Variants in PATJ observed in about 807,000 individuals in gnomAD.
PATJ encodes the protein inaD-like protein.
Under a neutral mutation model 224.9 loss-of-function variants are expected in PATJ, and 190 were observed. The ratio of observed to expected loss-of-function variants is 0.84; its 90% CI spans 0.75 to 0.95. The LOEUF (loss-of-function observed/expected upper bound fraction) is 0.95. Ranked by LOEUF, PATJ falls within the 40% of genes least tolerant of loss-of-function variation. The probability of loss-of-function intolerance (pLI) is 0.00; values close to 1 mark genes in which losing one functional copy is unlikely to be tolerated. For synonymous variants in PATJ, 769 were observed against 820.3 expected, an observed-to-expected ratio of 0.94 and a Z score of 1.07; for missense variants, 2,121 against 2,270.3, an observed-to-expected ratio of 0.93 and a Z score of 1.34.
chr1:61,955,737 GT>G (rs1281490137), intron 27 of PATJ, among the ~76,000 whole-genome samples: 2 of 152,278 alleles, frequency 1.3e-5, no homozygotes, highest in East Asian at 1.9e-4. Context: ...AATGTTATGA[GT>G]TTTTTGAAGT....
chr1:61,816,215 T>A (rs952509665), intron 14 of PATJ, among the ~76,000 whole-genome samples: 11 of 152,322 alleles, frequency 7.2e-5, no homozygotes, highest in Non-Finnish European at 1.3e-4. Context: ...CCAAGAGTTA[T>A]GGTGGATGTT....
intron 28 of PATJ, among the ~76,000 whole-genome samples, chr1:62,012,787 AT>A (rs538625930): frequency 0.011 from 1,722 of 150,158 alleles, 16 homozygotes; most frequent in Middle Eastern, 0.041. Context: ...CAAATGTGTT[AT>A]TTTTTTTTTC....
At chr1:62,139,768 CTTT>C (rs528616392) in intron 41 of PATJ, among the ~76,000 whole-genome samples, 1 of 140,032 alleles carries the variant, frequency 7.1e-6, no homozygotes, top group East Asian at 2.1e-4. Flanking sequence ...TTTTTTTTTT[CTTT>C]TTTTTTGAGA....
At chr1:62,035,665 G>C (rs1467842759) in intron 29 of PATJ, among the ~76,000 whole-genome samples, 2 of 142,136 alleles carry the variant, frequency 1.4e-5, no homozygotes, top group Non-Finnish European at 3.0e-5. Context: ...GCCAGGCACT[G>C]TGTTACCCCT....
intron 20 of PATJ, among the ~76,000 whole-genome samples, chr1:61,869,004 G>A (rs1276629777): frequency 6.6e-6 from 1 of 152,148 alleles, no homozygotes; most frequent in African/African-American, 2.4e-5. Context: ...CGTAACATGG[G>A]GAAAGGGAGG....
intron 30 of PATJ, among the ~76,000 whole-genome samples, chr1:62,043,662 A>G (rs1159317680): frequency 6.6e-6 from 1 of 152,086 alleles, no homozygotes; most frequent in East Asian, 1.9e-4. Flanking sequence ...TAAAAACTAA[A>G]TTGATAAAAA....
chr1:62,019,191 G>A (rs1646938945), intron 29 of PATJ, among the ~76,000 whole-genome samples: 1 of 150,632 alleles, frequency 6.6e-6, no homozygotes, highest in African/African-American at 2.5e-5. Flanking sequence ...GCTGCAGTGA[G>A]CTGAGATCGC....
intron 21 of PATJ, among the ~76,000 whole-genome samples, chr1:61,883,619 C>T (rs1408919679): frequency 6.6e-6 from 1 of 151,628 alleles, no homozygotes; most frequent in African/African-American, 2.4e-5. Context: ...TTTTTGCATG[C>T]AACACAACAC....
intron 33 of PATJ, among the ~76,000 whole-genome samples, chr1:62,088,442 C>T (rs1055710303): frequency 2.0e-5 from 3 of 152,156 alleles, no homozygotes; most frequent in African/African-American, 4.8e-5. Flanking sequence ...CTCTAAGCCA[C>T]TCTTCCCAAA....
intron 37 of PATJ, among the ~76,000 whole-genome samples, chr1:62,118,573 T>C (rs1278289394): frequency 2.0e-5 from 3 of 152,204 alleles, no homozygotes; most frequent in Non-Finnish European, 4.4e-5. Flanking sequence ...GGTAAGGTAG[T>C]GGATAGAAAT....
intron 20 of PATJ, among the ~76,000 whole-genome samples, chr1:61,869,439 A>G (rs925209789): frequency 6.6e-6 from 1 of 152,036 alleles, no homozygotes; most frequent in Admixed American, 6.6e-5. Context: ...GCTTATTGCC[A>G]TTCCTCAAGA....
At chr1:61,870,130 G>A (rs1666113031) in intron 20 of PATJ, among the ~76,000 whole-genome samples, 2 of 152,182 alleles carry the variant, frequency 1.3e-5, no homozygotes, top group African/African-American at 4.8e-5. Context: ...GCGCTTTCTG[G>A]TATCCAGGAA....
At chr1:62,080,469 T>A (rs1001023649) in intron 32 of PATJ, among the ~76,000 whole-genome samples, 8 of 152,076 alleles carry the variant, frequency 5.3e-5, no homozygotes, top group African/African-American at 1.7e-4. Context: ...GTAGCTGGGA[T>A]TACAGGTGCT....
intron 28 of PATJ, among the ~76,000 whole-genome samples, chr1:62,012,103 A>C (rs1399293366): frequency 6.6e-6 from 1 of 151,980 alleles, no homozygotes; most frequent in Non-Finnish European, 1.5e-5. Context: ...TGTTGTAGTG[A>C]CCTGGTTTTT....
intron 27 of PATJ, among the ~76,000 whole-genome samples, chr1:61,932,855 C>T (rs948561036): frequency 1.1e-4 from 17 of 151,938 alleles, no homozygotes; most frequent in Non-Finnish European, 7.4e-5. Context: ...GCCGAGATTG[C>T]GCCACTGCAC....
rs1288065109 is a variant in PATJ at position 62,162,133 on chromosome 1, AT to A, written c.*1080del. The A allele has an allele frequency of 1.4e-4, 21 of 152,340 alleles. No individual in the cohort carries two copies. Among genetic ancestry groups the A allele is most frequent in the Middle Eastern group, 6.8e-3 (2 of 294 alleles). The allele number at this position is 152,340 out of a possible 1,614,324, so 9.4% of individuals were successfully genotyped here. A position where few individuals can be genotyped will look rare whatever the true frequency, so the allele number is the denominator to read the frequency against. On this transcript the variant is annotated 3_prime_UTR_variant, in exon 44 of 44. Coordinates refer to ENST00000642238, the MANE Select transcript of PATJ (RefSeq NM_001350145.3). ...TTCTCAGCAGGAACAACTAGCATAC[AT>A]GTTCTGAATTCTAACAGTGCTAAAT...
chr1:61,996,859 C>T (rs1429838776), intron 28 of PATJ, among the ~76,000 whole-genome samples: 5 of 150,420 alleles, frequency 3.3e-5, no homozygotes, highest in African/African-American at 1.2e-4. Context: ...TCTTGTGCCT[C>T]AGCCTCCCGA....
At chr1:61,891,108 G>A (rs764246418) in intron 22 of PATJ, among the ~76,000 whole-genome samples, 95 of 152,044 alleles carry the variant, frequency 6.2e-4, no homozygotes, top group Non-Finnish European at 1.1e-3. Flanking sequence ...CTGATGTCTG[G>A]GAGGATGGTG....
At chr1:61,941,578 G>A (rs972018532) in intron 27 of PATJ, among the ~76,000 whole-genome samples, 1 of 152,192 alleles carries the variant, frequency 6.6e-6, no homozygotes, top group African/African-American at 2.4e-5. Context: ...TTGAGCTGCG[G>A]AGGTGGAAGT....
Sources: allele counts gnomAD v4.1 joint callset (sites outside exome capture counted in the v4.1 genomes callset), GRCh38; gene constraint gnomAD v4.1.1; transcripts MANE v1.5; gene names NCBI Gene and HGNC (gene_info 2026-07-23, HGNC 2026-07-21).